The following ZNF714 variants were observed in gnomAD, a reference collection of about 807,000 sequenced individuals.
ZNF714 encodes the protein zinc finger protein 714.
In ZNF714, 32 loss-of-function variants were observed where a neutral mutation model predicts 46.2. The ratio of observed to expected loss-of-function variants is 0.69; its 90% CI spans 0.52 to 0.93. ZNF714 has a LOEUF of 0.93. Among genes scored for constraint, ZNF714 ranks in the 40% least tolerant of loss-of-function variants. The pLI, the probability that ZNF714 is intolerant of heterozygous loss-of-function variation, is 0.00. For missense variants in ZNF714, 635 were observed against 646.3 expected (o/e 0.98, Z 0.19); for synonymous variants, 199 against 213.1 (o/e 0.93, Z 0.58).
At chr19:21,112,669 G>A (rs1157595045) in intron 4 of ZNF714, among the ~76,000 whole-genome samples, 1 of 150,774 alleles carries the variant, frequency 6.6e-6, no homozygotes, top group African/African-American at 2.4e-5. Context: ...TGTGATGTTA[G>A]GGTGTCCATT....
intron 2 of ZNF714, among the ~76,000 whole-genome samples, chr19:21,092,969 G>T (rs1199697070): frequency 7.1e-6 from 1 of 140,584 alleles, no homozygotes; most frequent in Non-Finnish European, 1.5e-5. Flanking sequence ...GAGTGCAGTG[G>T]TGCGATCTCG....
Position 21,117,252 on chromosome 19 carries a change from T to G in ZNF714, c.588T>G (p.Thr196=). Residue 196 remains threonine (T), a synonymous_variant, in exon 5 of 5, where the codon ACT becomes ACG. Coordinates refer to ENST00000456283, the MANE Select transcript of ZNF714 (RefSeq NM_182515.4). The part of the protein sequence containing the change: ...STLTRHKRVH[T]GEKPFKCEEC... The stretch of plus-strand genomic sequence containing the variant: ...TTACTAGACACAAGAGAGTTCATAC[T>G]GGAGAGAAACCCTTCAAATGTGAAG... 1.2e-6 allele frequency: 2 copies of G among 1,614,076 alleles called. No individual in the cohort carries two copies. Among genetic ancestry groups the G allele is most frequent in the Non-Finnish European group, 1.7e-6 (2 of 1,179,944 alleles).
intron 4 of ZNF714, among the ~76,000 whole-genome samples, chr19:21,102,264 A>G (rs1028178440): frequency 3.3e-5 from 5 of 152,218 alleles, no homozygotes; most frequent in Non-Finnish European, 7.3e-5. Flanking sequence ...AGATTTGGAC[A>G]TTTAGGACAA....
At chr19:21,114,446 A>AG in intron 4 of ZNF714, among the ~76,000 whole-genome samples, 1 of 151,454 alleles carries the variant, frequency 6.6e-6, no homozygotes, top group Non-Finnish European at 1.5e-5. Flanking sequence ...AAAAAAAAAA[A>AG]AAAAAGAAAC....
chr19:21,103,859 A>G (rs1330797034), intron 4 of ZNF714, among the ~76,000 whole-genome samples: 1 of 152,196 alleles, frequency 6.6e-6, no homozygotes, highest in Non-Finnish European at 1.5e-5. Flanking sequence ...TTGCCACTGC[A>G]CTTCAGCTTG....
In ZNF714 at chr19:21,082,274, C is replaced by A; in HGVS notation, c.-251C>A. On this transcript the variant is annotated 5_prime_UTR_variant, in exon 1 of 5. Coordinates refer to ENST00000456283, the MANE Select transcript of ZNF714 (RefSeq NM_182515.4). ...TGTCCTCTGCTCGCAGAGGCCCAGCCTCTGTGGCCCTGTGACCTGCAGGTA... is the reference window on the plus strand; with the variant it reads ...TGTCCTCTGCTCGCAGAGGCCCAGCATCTGTGGCCCTGTGACCTGCAGGTA... 7.1e-7 allele frequency: 1 copy of A among 1,413,778 alleles called. No individual in the cohort carries two copies. Among genetic ancestry groups the A allele is most frequent in the Non-Finnish European group, 9.6e-7 (1 of 1,044,728 alleles). The allele number at this position is 1,413,778 out of a possible 1,614,324, so 87.6% of individuals were successfully genotyped here. A position where few individuals can be genotyped will look rare whatever the true frequency, so the allele number is the denominator to read the frequency against.
In ZNF714 at chr19:21,084,083, G is replaced by C; in HGVS notation, c.-85+14G>C. On this transcript the variant is annotated intron_variant, in intron 2 of 4. Coordinates refer to ENST00000456283, the MANE Select transcript of ZNF714 (RefSeq NM_182515.4). ...TACTTTGAAAAGGTAATCAGATGCT[G>C]GTACTGAGGGGAAAACACAGAAATA... 9.5e-7 allele frequency: 1 copy of C among 1,055,060 alleles called. No individual in the cohort carries two copies. The highest frequency in any genetic ancestry group is 8.2e-5 in the East Asian group (1 of 12,252). 65.4% of individuals were successfully genotyped at this position (1,055,060 alleles called of 1,614,324 possible).
chr19:21,101,004 C>T (rs949195478), intron 4 of ZNF714, among the ~76,000 whole-genome samples: 3 of 152,222 alleles, frequency 2.0e-5, no homozygotes, highest in African/African-American at 7.2e-5. Context: ...CCACCAAGCC[C>T]GGCTTTTTAG....
rs540232182 is a variant in ZNF714, at chr19:21,107,275, T to C, written c.142+8365T>C. Among the ~76,000 whole-genome samples the C allele has an allele frequency of 5.3e-5, 8 of 152,124 alleles. No homozygotes were observed. The East Asian group carries it at 1.2e-3, about 22-fold the overall frequency. On this transcript the variant is annotated intron_variant, in intron 4 of 4. Coordinates refer to ENST00000456283, the MANE Select transcript of ZNF714 (RefSeq NM_182515.4). ...TTTTTTTGAGACGGAATTTCGCTCT[T>C]GTTGCCCAGGCTGGAGTACAATGGC...
chr19:21,095,740 CA>C (rs1450545728), intron 2 of ZNF714, among the ~76,000 whole-genome samples: 1 of 152,132 alleles, frequency 6.6e-6, no homozygotes, highest in African/African-American at 2.4e-5. Context: ...AGGCGTGAGC[CA>C]CCGCGCCTAG....
In ZNF714 at chr19:21,099,469, C is replaced by T. The variant is rs113332418; in HGVS notation, c.142+559C>T. Among the ~76,000 whole-genome samples the T allele has an allele frequency of 2.1e-3, 315 of 151,928 alleles. 3 individuals carry two copies. The highest frequency in any genetic ancestry group is 6.8e-3 in the Middle Eastern group (2 of 294). ...TGCTGGGATTACAAGTGTGAGCCAC[C>T]GTGCCCAGCTGGAAAACTCTATGTT... is the stretch of plus-strand genomic sequence containing the variant. On this transcript the variant is annotated intron_variant, in intron 4 of 4. Coordinates refer to ENST00000456283, the MANE Select transcript of ZNF714 (RefSeq NM_182515.4).
chr19:21,119,960 G>T lies in ZNF714; in HGVS notation c.*1628G>T, dbSNP rs1233577889. 1 of 152,124 alleles carries T rather than the reference G, an allele frequency of 6.6e-6. No individual in the cohort carries two copies. The highest frequency in any genetic ancestry group is 1.5e-5 in the Non-Finnish European group (1 of 68,026). 9.4% of individuals were successfully genotyped at this position (152,124 alleles called of 1,614,324 possible). A position where few individuals can be genotyped will look rare whatever the true frequency, so the allele number is the denominator to read the frequency against. On this transcript the variant is annotated 3_prime_UTR_variant, in exon 5 of 5. Coordinates refer to ENST00000456283, the MANE Select transcript of ZNF714 (RefSeq NM_182515.4). ...GTCATTCAACTCTGAAATTCCTGCC[G>T]TTTCTTCATTCCTATTGGATTCACA...
chr19:21,085,303 T>C (rs2144818280), intron 2 of ZNF714, among the ~76,000 whole-genome samples: 1 of 152,364 alleles, frequency 6.6e-6, no homozygotes, highest in East Asian at 1.9e-4. Flanking sequence ...TCCTGTTATC[T>C]TGATTTCTGA....
At chr19:21,101,907 C>T (rs1969190918) in intron 4 of ZNF714, among the ~76,000 whole-genome samples, 1 of 152,194 alleles carries the variant, frequency 6.6e-6, no homozygotes, top group African/African-American at 2.4e-5. Flanking sequence ...AAACACTCCT[C>T]AATCTTGGGC....
chr19:21,087,678 A>G (rs768919116), intron 2 of ZNF714, among the ~76,000 whole-genome samples: 26 of 152,228 alleles, frequency 1.7e-4, no homozygotes, highest in Non-Finnish European at 3.1e-4. Context: ...GAAAAACTGA[A>G]TAATACCCAT....
At chr19:21,116,498 A>G (rs907456908) in intron 4 of ZNF714, among the ~76,000 whole-genome samples, 2 of 152,188 alleles carry the variant, frequency 1.3e-5, no homozygotes, top group East Asian at 1.9e-4. Context: ...GCAGTATGTT[A>G]TATTGTTGAG....
Position 21,117,572 on chromosome 19 carries a change from A to G in ZNF714, c.908A>G (p.His303Arg), listed in dbSNP as rs900452592. The G allele has an allele frequency of 6.2e-7, 1 of 1,607,178 alleles. No individual in the cohort carries two copies. Among genetic ancestry groups the G allele is most frequent in the Non-Finnish European group, 8.5e-7 (1 of 1,176,194 alleles). The change falls in exon 5 of 5, where the codon CAT becomes CGT. Residue 303 changes from histidine (H) to arginine (R), a missense_variant. Physicochemically the swap from His to Arg is conservative, Grantham distance 29. Transcript: ENST00000456283. The stretch of plus-strand genomic sequence containing the variant: ...AACCGATTCTCATACCTTACTAAAC[A>G]TAAGATAATTCATTCTGGAGAGAAA... ...AFNRFSYLTKHKIIHSGEKSY... is the reference protein window; with the variant it reads ...AFNRFSYLTKRKIIHSGEKSY...
chr19:21,091,395 A>G (rs1006044055), intron 2 of ZNF714: 2 of 152,172 alleles, frequency 1.3e-5, no homozygotes, highest in African/African-American at 2.4e-5. Flanking sequence ...CTGACCTTCT[A>G]TCTCACCTTG....
intron 2 of ZNF714, among the ~76,000 whole-genome samples, chr19:21,096,555 T>G (rs554070858): frequency 1.0e-3 from 153 of 152,332 alleles, no homozygotes; most frequent in African/African-American, 3.7e-3. Flanking sequence ...TAAAAATTCT[T>G]GTGATAGTCA....
Sources: gnomAD v4.1 joint callset for allele counts (sites outside exome capture counted in the v4.1 genomes callset) on GRCh38, gnomAD v4.1.1 for gene constraint, MANE v1.5 for transcripts, NCBI Gene and HGNC (gene_info 2026-07-23, HGNC 2026-07-21) for gene names.